The following PPM1L variants were observed in gnomAD, a reference collection of about 807,000 sequenced individuals.
PPM1L encodes the protein protein phosphatase 1L.
In PPM1L, 13 loss-of-function variants were observed where a neutral mutation model predicts 31.4. The ratio of observed to expected loss-of-function variants is 0.41; its 90% CI spans 0.27 to 0.66. The LOEUF (loss-of-function observed/expected upper bound fraction) is 0.66, where lower values mean the gene tolerates loss of function less well. PPM1L is among the 30% of genes least tolerant of loss of function. The pLI is 0.29. For synonymous variants in PPM1L, 184 were observed against 175.4 expected, an observed-to-expected ratio of 1.05 and a Z score of -0.39; for missense variants, 326 against 453.7, an observed-to-expected ratio of 0.72 and a Z score of 2.56.
At chr3:160,769,472 A>T (rs750420713) in intron 1 of PPM1L, among the ~76,000 whole-genome samples, 13 of 152,160 alleles carry the variant, frequency 8.5e-5, no homozygotes, top group Admixed American at 3.3e-4. Flanking sequence ...GGCCCCATCA[A>T]GTCTTAAGAA....
At chr3:160,971,572 A>G (rs115434165) in intron 2 of PPM1L, among the ~76,000 whole-genome samples, 2,823 of 152,306 alleles carry the variant, frequency 0.019, 80 homozygotes, top group African/African-American at 0.063. Flanking sequence ...ATTGGTAAAG[A>G]GTTCTTAAAT....
intron 1 of PPM1L, among the ~76,000 whole-genome samples, chr3:160,812,103 C>G (rs908322516): frequency 2.0e-5 from 3 of 152,192 alleles, no homozygotes; most frequent in Non-Finnish European, 4.4e-5. Flanking sequence ...TAGCGCCTTC[C>G]ATGCTCTTTA....
In PPM1L at chr3:160,829,504, C is replaced by A. The variant is rs76443931; in HGVS notation, c.399+72797C>A. The stretch of plus-strand genomic sequence containing the variant: ...TGGTTAAGGAGGCTGCTAGACAACT[C>A]ACTCAACTGCCAGAGAGGGAGGCTC... On this transcript the variant is annotated intron_variant, in intron 1 of 3. Transcript: ENST00000498165. Among the ~76,000 whole-genome samples, 696 of 152,280 alleles carry A rather than the reference C, an allele frequency of 4.6e-3. 7 individuals are homozygous for A. Among genetic ancestry groups the A allele is most frequent in the African/African-American group, 0.016 (651 of 41,564 alleles).
intron 1 of PPM1L, among the ~76,000 whole-genome samples, chr3:160,858,665 A>G (rs980842232): frequency 6.6e-6 from 1 of 152,316 alleles, no homozygotes; most frequent in Admixed American, 6.5e-5. Flanking sequence ...AAAAAATACA[A>G]GAGTGTTTAT....
In PPM1L at chr3:161,033,695, G is replaced by A. The variant is rs530880690; in HGVS notation, c.575-31708G>A. The stretch of plus-strand genomic sequence containing the variant: ...ATACCTTATACAAAAATTAACTCGA[G>A]ATGGATTAAAGACTTCAACGTAAGA... On this transcript the variant is annotated intron_variant, in intron 2 of 3. Transcript: ENST00000498165. Among the ~76,000 whole-genome samples the A allele has an allele frequency of 2.2e-3, 330 of 152,248 alleles. 1 individual carries two copies. Among genetic ancestry groups the A allele is most frequent in the African/African-American group, 7.5e-3 (311 of 41,534 alleles).
In PPM1L at chr3:160,888,466, A is replaced by G. The variant is rs184150438; in HGVS notation, c.400-73270A>G. Among the ~76,000 whole-genome samples, 8 of 152,372 alleles carry G rather than the reference A, an allele frequency of 5.3e-5. No homozygotes were observed. The East Asian group carries it at 1.5e-3, about 29-fold the overall frequency. On this transcript the variant is annotated intron_variant, in intron 1 of 3. Coordinates refer to ENST00000498165, the MANE Select transcript of PPM1L (RefSeq NM_139245.4). The stretch of plus-strand genomic sequence containing the variant: ...TACATAATGGTAAAGGAAACAATTC[A>G]ACAAGAAGGGCTAACTATCCAAATC...
intron 2 of PPM1L, among the ~76,000 whole-genome samples, chr3:161,030,175 G>A (rs9860360): frequency 0.64 from 96,863 of 152,150 alleles, 33,604 homozygotes; most frequent in East Asian, 0.98. Context: ...TTGAAACTTA[G>A]TCACAAAAGT....
Position 161,077,282 on chromosome 3 carries a change from A to G in PPM1L, c.*8125A>G, listed in dbSNP as rs1720132304. 6.6e-6 allele frequency: 1 copy of G among 151,930 alleles called. No individual in the cohort carries two copies. The highest frequency in any genetic ancestry group is 2.4e-5 in the African/African-American group (1 of 41,336). 9.4% of individuals were successfully genotyped at this position (151,930 alleles called of 1,614,324 possible). A position where few individuals can be genotyped will look rare whatever the true frequency, so the allele number is the denominator to read the frequency against. ...GCAAACTGCAGAAGATAATTACTCC[A>G]TTTTACTAGCTCACCTAGTTTCTGA... On this transcript the variant is annotated 3_prime_UTR_variant, in exon 4 of 4. Transcript: ENST00000498165.
At chr3:161,043,104 C>T (rs764447951) in intron 2 of PPM1L, among the ~76,000 whole-genome samples, 12 of 147,400 alleles carry the variant, frequency 8.1e-5, no homozygotes, top group Non-Finnish European at 1.8e-4. Flanking sequence ...AGACTGGTAA[C>T]AAGTGAAAAA....
In PPM1L at chr3:160,920,586, T is replaced by TTC. The variant is rs3063236; in HGVS notation, c.400-41121_400-41120dup. Among the ~76,000 whole-genome samples, 767 of 120,356 alleles carry TTC rather than the reference T, an allele frequency of 6.4e-3. 5 individuals are homozygous for TTC. The highest frequency in any genetic ancestry group is 0.013 in the Middle Eastern group (3 of 224). 79.0% of individuals were successfully genotyped at this position (120,356 alleles called of 152,430 possible). ...CAGCAACTGCACTTATGCATTTAGT[T>TTC]TCTCTCTCTCTCTCTCTCTCTCTCT... On this transcript the variant is annotated intron_variant, in intron 1 of 3. Coordinates refer to ENST00000498165, the MANE Select transcript of PPM1L (RefSeq NM_139245.4).
chr3:160,758,224 T>C (rs1714863670), intron 1 of PPM1L, among the ~76,000 whole-genome samples: 2 of 152,096 alleles, frequency 1.3e-5, no homozygotes, highest in African/African-American at 4.8e-5. Context: ...ATAAAATTAA[T>C]TGAGGGAAAA....
chr3:161,055,345 G>A (rs898682), intron 2 of PPM1L, among the ~76,000 whole-genome samples: 1 of 151,820 alleles, frequency 6.6e-6, no homozygotes, highest in Non-Finnish European at 1.5e-5. Context: ...GGTACTTTAT[G>A]TGTGTTTCAG....
intron 1 of PPM1L, among the ~76,000 whole-genome samples, chr3:160,945,600 G>A (rs1012837584): frequency 1.3e-5 from 2 of 152,104 alleles, no homozygotes; most frequent in Non-Finnish European, 2.9e-5. Context: ...GCAGATGGTT[G>A]CCTTTATTTC....
At chr3:161,058,643 G>A (rs553335881) in intron 2 of PPM1L, among the ~76,000 whole-genome samples, 6 of 152,010 alleles carry the variant, frequency 3.9e-5, no homozygotes, top group African/African-American at 1.2e-4. Context: ...TAAGATATTT[G>A]AGGTTTCTGA....
intron 1 of PPM1L, among the ~76,000 whole-genome samples, chr3:160,880,504 A>G (rs1038688572): frequency 2.0e-4 from 31 of 152,294 alleles, no homozygotes; most frequent in African/African-American, 7.0e-4. Context: ...AGGCTTTGTC[A>G]TAATGTTTTA....
intron 1 of PPM1L, among the ~76,000 whole-genome samples, chr3:160,888,060 T>C (rs2108043428): frequency 6.6e-6 from 1 of 152,280 alleles, no homozygotes; most frequent in South Asian, 2.1e-4. Flanking sequence ...GAAAAACTGT[T>C]ACTAGCCACT....
chr3:160,867,134 A>G (rs1018380411), intron 1 of PPM1L, among the ~76,000 whole-genome samples: 1 of 152,144 alleles, frequency 6.6e-6, no homozygotes, highest in Non-Finnish European at 1.5e-5. Context: ...TCTTAGAATC[A>G]ATTTATCTTA....
intron 2 of PPM1L, among the ~76,000 whole-genome samples, chr3:161,019,934 C>T (rs2108071117): frequency 6.6e-6 from 1 of 152,084 alleles, no homozygotes; most frequent in South Asian, 2.1e-4. Flanking sequence ...ACCATCCTGA[C>T]CAACATGGTG....
intron 2 of PPM1L, among the ~76,000 whole-genome samples, chr3:161,050,671 A>C (rs1204837699): frequency 6.6e-6 from 1 of 152,114 alleles, no homozygotes. Flanking sequence ...TTCTCATGAC[A>C]ATATATATTC....
Sources: allele counts gnomAD v4.1 joint callset (sites outside exome capture counted in the v4.1 genomes callset), GRCh38; gene constraint gnomAD v4.1.1; transcripts MANE v1.5; gene names NCBI Gene and HGNC (gene_info 2026-07-23, HGNC 2026-07-21).